Variants in SCFD2 observed in about 807,000 individuals in gnomAD.
SCFD2 encodes the protein sec1 family domain containing 2.
In SCFD2, 54 loss-of-function variants were observed where a neutral mutation model predicts 58.9. The ratio of observed to expected loss-of-function variants is 0.92; its 90% CI spans 0.74 to 1.15. SCFD2 has a LOEUF of 1.15. SCFD2 is among the 50% of genes most tolerant of loss of function. SCFD2 has a pLI of 0.00. For missense variants in SCFD2, 805 were observed against 836.6 expected, an observed-to-expected ratio of 0.96 and a Z score of 0.47; for synonymous variants, 321 against 335.9, an observed-to-expected ratio of 0.96 and a Z score of 0.49.
intron 7 of SCFD2, among the ~76,000 whole-genome samples, chr4:52,893,842 G>A (rs1462251473): frequency 6.6e-6 from 1 of 152,208 alleles, no homozygotes; most frequent in East Asian, 1.9e-4. Flanking sequence ...AGAACTGCCT[G>A]GTTTCCTGAT....
intron 5 of SCFD2, among the ~76,000 whole-genome samples, chr4:53,046,526 T>C (rs1034399682): frequency 7.2e-5 from 11 of 151,904 alleles, no homozygotes; most frequent in African/African-American, 2.7e-4. Context: ...ATACCATTTT[T>C]TAAAGAGCAC....
At chr4:53,210,714 A>G (rs1195426384) in intron 4 of SCFD2, among the ~76,000 whole-genome samples, 1 of 151,978 alleles carries the variant, frequency 6.6e-6, no homozygotes, top group Non-Finnish European at 1.5e-5. Flanking sequence ...ACAGATATTG[A>G]TTTTTGTCCA....
At chr4:53,067,928 G>C (rs977617619) in intron 5 of SCFD2, among the ~76,000 whole-genome samples, 2 of 152,048 alleles carry the variant, frequency 1.3e-5, no homozygotes, top group African/African-American at 4.8e-5. Context: ...GGTTCAAGAG[G>C]CTAGGAGGAG....
intron 5 of SCFD2, among the ~76,000 whole-genome samples, chr4:53,004,564 A>C (rs532117672): frequency 2.0e-5 from 3 of 152,334 alleles, no homozygotes; most frequent in Non-Finnish European, 4.4e-5. Context: ...AGGCACGTAG[A>C]TGTTAAGTAG....
intron 5 of SCFD2, among the ~76,000 whole-genome samples, chr4:53,132,250 T>C (rs1388659322): frequency 6.6e-6 from 1 of 152,274 alleles, no homozygotes; most frequent in African/African-American, 2.4e-5. Context: ...TAGTAATATG[T>C]GCTATGGGTA....
intron 5 of SCFD2, among the ~76,000 whole-genome samples, chr4:53,013,757 G>C (rs775044176): frequency 6.6e-6 from 1 of 152,142 alleles, no homozygotes; most frequent in African/African-American, 2.4e-5. Context: ...TCAGGCTCAA[G>C]GGCAGATCCC....
In SCFD2 at chr4:52,905,335, T is replaced by G. The variant is rs533963323; in HGVS notation, c.1842+2122A>C. Among the ~76,000 whole-genome samples, 8 of 152,346 alleles carry G rather than the reference T, an allele frequency of 5.3e-5. 1 individual carries two copies. In the South Asian group the frequency reaches 1.4e-3, roughly 28 times the overall value. ...CCAACACATACGCCAGAGGTAACTCTTTGCTCTACTGTGTGGAATTGTAGG... is the reference window on the plus strand; with the variant it reads ...CCAACACATACGCCAGAGGTAACTCGTTGCTCTACTGTGTGGAATTGTAGG... On this transcript the variant is annotated intron_variant, in intron 7 of 8. Transcript: ENST00000401642.
chr4:53,095,088 T>C (rs1005817977), intron 5 of SCFD2, among the ~76,000 whole-genome samples: 3 of 152,174 alleles, frequency 2.0e-5, no homozygotes, highest in Non-Finnish European at 4.4e-5. Context: ...TTCCCCTCTA[T>C]TGAACGTTAC....
At chr4:53,091,751 G>A (rs1004506947) in intron 5 of SCFD2, among the ~76,000 whole-genome samples, 15 of 152,088 alleles carry the variant, frequency 9.9e-5, no homozygotes, top group Non-Finnish European at 1.8e-4. Flanking sequence ...TGGGAGGAGA[G>A]ATGCACTCTG....
intron 5 of SCFD2, among the ~76,000 whole-genome samples, chr4:53,132,764 C>A (rs1206364994): frequency 1.3e-5 from 2 of 152,180 alleles, no homozygotes; most frequent in Non-Finnish European, 2.9e-5. Context: ...TAGAATCAGT[C>A]TTCCAGTTGC....
At chr4:53,139,514 C>T (rs1187028099) in intron 5 of SCFD2, among the ~76,000 whole-genome samples, 1 of 136,478 alleles carries the variant, frequency 7.3e-6, no homozygotes, top group Admixed American at 7.2e-5. Flanking sequence ...AAGTGAGGAG[C>T]CCCTCTGCCC....
chr4:53,157,898 A>C (rs77239549), intron 4 of SCFD2, among the ~76,000 whole-genome samples: 13,310 of 152,276 alleles, frequency 0.087, 741 homozygotes, highest in East Asian at 0.23. Context: ...AGATAGAAGG[A>C]AGATTAGCTC....
chr4:52,989,481 T>C (rs1721571739), intron 5 of SCFD2, among the ~76,000 whole-genome samples: 1 of 152,204 alleles, frequency 6.6e-6, no homozygotes. Context: ...GAGTTCAACT[T>C]ATGATAAAGA....
At chr4:53,078,662 G>A (rs1724051861) in intron 5 of SCFD2, among the ~76,000 whole-genome samples, 1 of 152,090 alleles carries the variant, frequency 6.6e-6, no homozygotes, top group African/African-American at 2.4e-5. Flanking sequence ...CACATTCCAG[G>A]TAAGAACCCT....
In SCFD2 at chr4:53,238,156, C is replaced by T. The variant is rs534996649; in HGVS notation, c.1311+35670G>A. 7.9e-3 allele frequency among the ~76,000 whole-genome samples: 1,048 copies of T among 132,386 alleles called. 11 individuals are homozygous for T. The highest frequency in any genetic ancestry group is 0.044 in the Middle Eastern group (5 of 114). The allele number at this position is 132,386 out of a possible 152,430, so 86.9% of individuals were successfully genotyped here. The stretch of plus-strand genomic sequence containing the variant: ...GCAGAGGTGCCCCTCACCTCCCAGA[C>T]GGGGTGGCTGGCCGGGCGGGGGGCT... On this transcript the variant is annotated intron_variant, in intron 4 of 8. Transcript: ENST00000401642.
At chr4:53,282,729 AAAC>A (rs1187971324) in intron 3 of SCFD2, among the ~76,000 whole-genome samples, 6 of 152,228 alleles carry the variant, frequency 3.9e-5, no homozygotes, top group African/African-American at 1.4e-4. Flanking sequence ...GAAATAAAAA[AAAC>A]AACAGAAATG....
intron 5 of SCFD2, among the ~76,000 whole-genome samples, chr4:53,139,935 C>T (rs1726076518): frequency 6.6e-6 from 1 of 152,134 alleles, no homozygotes; most frequent in Admixed American, 6.5e-5. Context: ...GAAACATGTG[C>T]TGTGTCCACT....
intron 3 of SCFD2, among the ~76,000 whole-genome samples, chr4:53,282,940 T>C (rs757509313): frequency 1.8e-4 from 28 of 152,154 alleles, no homozygotes; most frequent in Non-Finnish European, 3.8e-4. Flanking sequence ...TCTTGGAATA[T>C]CTGAAAAGGC....
intron 4 of SCFD2, among the ~76,000 whole-genome samples, chr4:53,212,172 T>C (rs1370663120): frequency 2.6e-5 from 4 of 152,036 alleles, no homozygotes; most frequent in Non-Finnish European, 4.4e-5. Context: ...CAGAACTTAA[T>C]AGAATCCACT....
Sources: gnomAD v4.1 joint callset for allele counts (sites outside exome capture counted in the v4.1 genomes callset) on GRCh38, gnomAD v4.1.1 for gene constraint, MANE v1.5 for transcripts, NCBI Gene and HGNC (gene_info 2026-07-23, HGNC 2026-07-21) for gene names.